RASGEF1C: variants seen among roughly 807,000 people sequenced by gnomAD.
The protein encoded by RASGEF1C is RasGEF domain family member 1C.
RASGEF1C carries 27 observed loss-of-function variants against 58.1 expected under a neutral mutation model. That is an observed-to-expected ratio of 0.46 (90% CI 0.34 to 0.64). The LOEUF is 0.64. Among genes scored for constraint, RASGEF1C ranks in the 30% least tolerant of loss-of-function variants. RASGEF1C has a pLI of 0.01. For synonymous variants in RASGEF1C, 243 were observed against 246.3 expected, an observed-to-expected ratio of 0.99 and a Z score of 0.13; for missense variants, 502 against 605.1, an observed-to-expected ratio of 0.83 and a Z score of 1.79.
intron 6 of RASGEF1C, among the ~76,000 whole-genome samples, chr5:180,126,380 C>G (rs141541902): frequency 3.3e-5 from 5 of 152,182 alleles, no homozygotes; most frequent in Non-Finnish European, 7.4e-5. Context: ...GCACTCCAGC[C>G]TGGGCGACAG....
At chr5:180,159,639 C>T (rs1044700399) in intron 1 of RASGEF1C, among the ~76,000 whole-genome samples, 8 of 152,190 alleles carry the variant, frequency 5.3e-5, no homozygotes, top group African/African-American at 1.9e-4. Context: ...CGGACAAGCT[C>T]GCAGTGGGGA....
rs1438015136 is a variant in RASGEF1C at position 180,168,299 on chromosome 5, G to T, written c.-6-30241C>A. ...AAATACAAAATTAGCCGAGCCTGGT[G>T]GTGCATGCCTGTAATCGCAGCTACT... On this transcript the variant is annotated intron_variant, in intron 1 of 13. Coordinates refer to ENST00000361132, the MANE Select transcript of RASGEF1C (RefSeq NM_175062.4). This position sits in a 1 kb window ranked among gnomAD's most constrained non-coding sequence, Gnocchi z 6.0. Among the ~76,000 whole-genome samples, 1 of 152,112 alleles carries T rather than the reference G, an allele frequency of 6.6e-6. No individual in the cohort carries two copies. Among genetic ancestry groups the T allele is most frequent in the African/African-American group, 2.4e-5 (1 of 41,410 alleles).
intron 8 of RASGEF1C, 54 bp from the exon 9 acceptor site, chr5:180,118,920 G>A: frequency 4.6e-6 from 7 of 1,521,500 alleles, no homozygotes; most frequent in Non-Finnish European, 6.4e-6. Flanking sequence ...GGGGGCCTCT[G>A]CGTAGCTGCA....
rs545167470 is a variant in RASGEF1C, at chr5:180,194,551, G to A, written c.-7+14477C>T. Among the ~76,000 whole-genome samples the A allele has an allele frequency of 3.3e-5, 5 of 152,248 alleles. No homozygotes were observed. The East Asian group carries it at 9.7e-4, about 29-fold the overall frequency. On this transcript the variant is annotated intron_variant, in intron 1 of 13. Transcript: ENST00000361132. ...CTCACCCTTTTCAAATCCGCCTTGC[G>A]CACGTTCACAAAAACCACTGAGTGT...
Position 180,108,391 on chromosome 5 carries a change from T to C in RASGEF1C, c.1303+3066A>G, listed in dbSNP as rs1165889494. ...TAATTTTTTGTATTTTTAGTAGAGA[T>C]GGGGTTTCACCGTGTTAGCCAGGAT... On this transcript the variant is annotated intron_variant, in intron 12 of 13. Transcript: ENST00000361132. Among the ~76,000 whole-genome samples the C allele has an allele frequency of 3.3e-5, 5 of 151,840 alleles. No homozygotes were observed. In the South Asian group the frequency reaches 6.2e-4, roughly 19 times the overall value.
intron 1 of RASGEF1C, among the ~76,000 whole-genome samples, chr5:180,162,620 C>T (rs1561747559): frequency 6.6e-6 from 1 of 152,232 alleles, no homozygotes; most frequent in Non-Finnish European, 1.5e-5. Context: ...CCCCTCACCG[C>T]ATTAAGGAAC....
At chr5:180,190,362 C>A (rs575450902) in intron 1 of RASGEF1C, among the ~76,000 whole-genome samples, 2 of 151,166 alleles carry the variant, frequency 1.3e-5, no homozygotes, top group South Asian at 2.1e-4. Flanking sequence ...TGGTGGCGGG[C>A]GCCTGTAGTC....
At chr5:180,163,224 C>T (rs1274946113) in intron 1 of RASGEF1C, among the ~76,000 whole-genome samples, 1 of 51,124 alleles carries the variant, frequency 2.0e-5, no homozygotes, top group East Asian at 3.5e-4. Context: ...CTCTCACCAC[C>T]CCCTCACTTT....
At chr5:180,208,560 C>G (rs1756534314) in intron 1 of RASGEF1C, among the ~76,000 whole-genome samples, 1 of 152,190 alleles carries the variant, frequency 6.6e-6, no homozygotes, top group African/African-American at 2.4e-5. Context: ...TTCCTCAAAT[C>G]CGATCCCATC....
rs142554060 is a variant in RASGEF1C at position 180,176,293 on chromosome 5, G to A, written c.-7+32735C>T. ...CAGGCTTCTGGCAGGCAGAGCAGCC[G>A]TGGGAGGGCACTTGACCCAGCCACG... On this transcript the variant is annotated intron_variant, in intron 1 of 13. Coordinates refer to ENST00000361132, the MANE Select transcript of RASGEF1C (RefSeq NM_175062.4). 4.5e-3 allele frequency among the ~76,000 whole-genome samples: 681 copies of A among 152,350 alleles called. 4 individuals are homozygous for A. The highest frequency in any genetic ancestry group is 7.4e-3 in the East Asian group (38 of 5,168).
rs913656359 is a variant in RASGEF1C, at chr5:180,111,490, A to G, written c.1270T>C (p.Tyr424His). 3 of 1,614,176 alleles carry G rather than the reference A, an allele frequency of 1.9e-6. No homozygotes were observed. In the Admixed American group the frequency reaches 5.0e-5, roughly 27 times the overall value. The change falls in exon 12 of 14, where the codon TAC becomes CAC. Residue 424 changes from tyrosine (Y) to histidine (H), a missense_variant. Physicochemically the swap from Tyr to His is moderately conservative, Grantham distance 83 (BLOSUM62 2). Transcript: ENST00000361132. ...CTGAAGATGGGGGCGGTGTACAGGT[A>G]GTGGGTGATGCTGGCGTCTTGCTCG... ...PFEQDASITH[Y>H]LYTAPIFSED... is the part of the protein sequence containing the mutation.
chr5:180,127,824 G>A (rs1034140750), intron 5 of RASGEF1C, 141 bp from the exon 6 acceptor site: 2 of 742,428 alleles, frequency 2.7e-6, no homozygotes, highest in African/African-American at 3.6e-5. Context: ...GGGGCTTGGA[G>A]ACCCTGTTTT....
Position 180,189,530 on chromosome 5 carries a change from A to G in RASGEF1C, c.-7+19498T>C, listed in dbSNP as rs140450259. On this transcript the variant is annotated intron_variant, in intron 1 of 13. Transcript: ENST00000361132. Reference sequence around the variant, plus strand: ...AGGACATCAAGATTGGCAAAGATCAACTGAAAACAACTAGAAATAGAGTCA... The same window carrying G: ...AGGACATCAAGATTGGCAAAGATCAGCTGAAAACAACTAGAAATAGAGTCA... Among the ~76,000 whole-genome samples the G allele has an allele frequency of 1.7e-3, 253 of 152,364 alleles. 1 individual carries two copies. Among genetic ancestry groups the G allele is most frequent in the African/African-American group, 5.8e-3 (240 of 41,592 alleles).
In RASGEF1C at chr5:180,198,978, A is replaced by G. The variant is rs1581131836; in HGVS notation, c.-7+10050T>C. 6.6e-6 allele frequency among the ~76,000 whole-genome samples: 1 copy of G among 152,110 alleles called. No homozygotes were observed. Among genetic ancestry groups the G allele is most frequent in the Admixed American group, 6.5e-5 (1 of 15,278 alleles). ...AAGGACTCCCAGAGGGTAGAAGGGA[A>G]ACTGAGGCAGGAGCCCAACAGTACC... On this transcript the variant is annotated intron_variant, in intron 1 of 13. Transcript: ENST00000361132. This position sits in a 1 kb window ranked among gnomAD's most constrained non-coding sequence, Gnocchi z 4.5.
chr5:180,173,713 G>A (rs1388606688), intron 1 of RASGEF1C, among the ~76,000 whole-genome samples: 1 of 152,110 alleles, frequency 6.6e-6, no homozygotes, highest in Non-Finnish European at 1.5e-5. Context: ...AGGAGTTTGA[G>A]ACCAGCCTGG....
At chr5:180,193,045 C>CTAAAATATCTTCTTAATGTT in intron 1 of RASGEF1C, among the ~76,000 whole-genome samples, 1 of 88,772 alleles carries the variant, frequency 1.1e-5, no homozygotes. Context: ...CGCGCCCGGC[C>CTAAAATATCTTCTTAATGTT]AGTTTTTTTT....
chr5:180,101,503 A>G lies in RASGEF1C; in HGVS notation c.1399T>C (p.Ter467ArgextTer3), dbSNP rs1328686835. The change falls in exon 14 of 14, where the codon TGA (stop) becomes CGA (arginine). Residue 467 changes from the stop codon to arginine (R), a stop_lost. Transcript: ENST00000361132. Reference protein sequence around the residue: ...ALRSSILGKT* With the variant: ...ALRSSILGKTR ...CCTCGTCCCTCAGCTCAGCGCTTTC[A>G]TGTCTTCCCCAAAATAGAAGATCTG... 3 of 1,611,700 alleles carry G rather than the reference A, an allele frequency of 1.9e-6. No individual in the cohort carries two copies. Among genetic ancestry groups the G allele is most frequent in the Non-Finnish European group, 2.5e-6 (3 of 1,179,932 alleles).
At chr5:180,103,380 C>G (rs1276558597) in intron 12 of RASGEF1C, among the ~76,000 whole-genome samples, 1 of 152,206 alleles carries the variant, frequency 6.6e-6, no homozygotes, top group Non-Finnish European at 1.5e-5. Context: ...CCCGGCACAT[C>G]AGCATTAACT....
In RASGEF1C at chr5:180,158,926, T is replaced by C. The variant is rs1027273470; in HGVS notation, c.-6-20868A>G. The stretch of plus-strand genomic sequence containing the variant: ...GTCCTCCAATTTAAAAAATATTTTC[T>C]CTCCTACTTTCCATTACAAAATCTT... On this transcript the variant is annotated intron_variant, in intron 1 of 13. Coordinates refer to ENST00000361132, the MANE Select transcript of RASGEF1C (RefSeq NM_175062.4). The surrounding 1 kb of genome is among the most constrained non-coding windows in gnomAD (Gnocchi z 4.0). Among the ~76,000 whole-genome samples, 3 of 152,172 alleles carry C rather than the reference T, an allele frequency of 2.0e-5. No individual in the cohort carries two copies. The highest frequency in any genetic ancestry group is 7.2e-5 in the African/African-American group (3 of 41,442).
Sources: gnomAD v4.1 joint callset for allele counts (sites outside exome capture counted in the v4.1 genomes callset) on GRCh38, gnomAD v4.1.1 for gene constraint, Gnocchi (gnomAD v3.1) non-coding constraint, MANE v1.5 for transcripts, NCBI Gene and HGNC (gene_info 2026-07-23, HGNC 2026-07-21) for gene names.